Variants in DISP2 observed in about 807,000 individuals in gnomAD.
DISP2 encodes dispatched RND transporter family member 2.
A neutral mutation model predicts 95.5 loss-of-function variants in DISP2; 59 were observed. That is an observed-to-expected ratio of 0.62 (90% CI 0.50 to 0.77). The LOEUF is 0.77. Among genes scored for constraint, DISP2 ranks in the 30% least tolerant of loss-of-function variants. The pLI, the probability that DISP2 is intolerant of heterozygous loss-of-function variation, is 0.00. For synonymous variants in DISP2, 827 were observed against 815.0 expected, an observed-to-expected ratio of 1.01 and a Z score of -0.25; for missense variants, 1,752 against 1,854.6, an observed-to-expected ratio of 0.94 and a Z score of 1.02.
At chr15:40,363,564 G>A in intron 1 of DISP2, 61 bp from the exon 2 acceptor site, 1 of 1,227,188 alleles carries the variant, frequency 8.1e-7, no homozygotes, top group South Asian at 1.5e-5. Context: ...AATAATGCTG[G>A]GGCATGGGGT....
At position 40,370,448 on chromosome 15, in the gene DISP2, T is replaced by G; in HGVS notation, c.*130T>G. The G allele has an allele frequency of 7.3e-7, 1 of 1,375,828 alleles. No homozygotes were observed. Among genetic ancestry groups the G allele is most frequent in the Non-Finnish European group, 9.7e-7 (1 of 1,028,576 alleles). The allele number at this position is 1,375,828 out of a possible 1,614,324, so 85.2% of individuals were successfully genotyped here. A position where few individuals can be genotyped will look rare whatever the true frequency, so the allele number is the denominator to read the frequency against. On this transcript the variant is annotated 3_prime_UTR_variant, in exon 8 of 8. Transcript: ENST00000267889. Reference sequence around the variant, plus strand: ...AGAGGTCTCACCCTCCAGCTGTGGATGTTAAACCCTGCCAGATGTCCCAGC... The same window carrying G: ...AGAGGTCTCACCCTCCAGCTGTGGAGGTTAAACCCTGCCAGATGTCCCAGC...
Position 40,368,376 on chromosome 15 carries a change from A to G in DISP2, c.2264A>G (p.Gln755Arg), listed in dbSNP as rs1386868206. 3 of 1,607,194 alleles carry G rather than the reference A, an allele frequency of 1.9e-6. No individual in the cohort carries two copies. Among genetic ancestry groups the G allele is most frequent in the East Asian group, 4.5e-5 (2 of 44,848 alleles). ...PFERFDAEYR[Q>R]LFLFEQLPQG... ...GAGCGCTTCGACGCGGAGTATCGCCAGCTGTTCCTGTTCGAGCAGCTGCCG... is the reference window on the plus strand; with the variant it reads ...GAGCGCTTCGACGCGGAGTATCGCCGGCTGTTCCTGTTCGAGCAGCTGCCG... The change falls in exon 8 of 8, where the codon CAG becomes CGG. Residue 755 changes from glutamine (Q) to arginine (R), a missense_variant. Around this residue, in one of 5 missense-constraint regions of DISP2, gnomAD observed 732 missense variants for 714.6 expected, o/e 1.02. Transcript: ENST00000267889.
intron 6 of DISP2, 139 bp downstream of exon 6, chr15:40,365,413 T>C (rs1889481605): frequency 6.9e-7 from 1 of 1,450,166 alleles, no homozygotes; most frequent in African/African-American, 1.4e-5. Context: ...GGAAGCCGGG[T>C]TACAGCTGGG....
chr15:40,362,009 A>G (rs1171425436), intron 1 of DISP2, among the ~76,000 whole-genome samples: 2 of 152,214 alleles, frequency 1.3e-5, no homozygotes, highest in African/African-American at 4.8e-5. Context: ...TGGGTCTGCA[A>G]TCCTGCCACT....
In DISP2 at chr15:40,367,717, C is replaced by A; in HGVS notation, c.1605C>A (p.Phe535Leu). 6.2e-7 allele frequency: 1 copy of A among 1,613,590 alleles called. No homozygotes were observed. The highest frequency in any genetic ancestry group is 8.5e-7 in the Non-Finnish European group (1 of 1,180,040). ...LVAFFLYQVAFRMAYFPFVNL... is the reference protein window; with the variant it reads ...LVAFFLYQVALRMAYFPFVNL... Reference sequence around the variant, plus strand: ...CCTTCTTCCTTTACCAGGTGGCCTTCCGCATGGCCTACTTCCCCTTCGTCA... The same window carrying A: ...CCTTCTTCCTTTACCAGGTGGCCTTACGCATGGCCTACTTCCCCTTCGTCA... Residue 535 changes from phenylalanine to leucine, a missense_variant, in exon 8 of 8, where the codon TTC becomes TTA. This residue lies in a region of DISP2 where 732 missense variants were observed against 714.6 expected (regional missense o/e 1.02). Coordinates refer to ENST00000267889, the MANE Select transcript of DISP2 (RefSeq NM_033510.3).
At chr15:40,358,560 T>G in intron 1 of DISP2, 120 bp downstream of exon 1, 1 of 761,894 alleles carries the variant, frequency 1.3e-6, no homozygotes. Context: ...CCGGAGCCCC[T>G]TCCCGGGGTC....
In DISP2 at chr15:40,373,738, G is replaced by A. The variant is rs150088838; in HGVS notation, c.*3420G>A. 1,749 of 151,150 alleles carry A rather than the reference G, an allele frequency of 0.012. 16 individuals carry two copies. Among genetic ancestry groups the A allele is most frequent in the Non-Finnish European group, 0.019 (1,261 of 67,878 alleles). 9.4% of individuals were successfully genotyped at this position (151,150 alleles called of 1,614,324 possible). On this transcript the variant is annotated 3_prime_UTR_variant, in exon 8 of 8. Transcript: ENST00000267889. Reference sequence around the variant, plus strand: ...ATAAATAAATAAGTCGGGCACGGTGGCTCACGCCTGTAATCCCAGCACTTT... The same window carrying A: ...ATAAATAAATAAGTCGGGCACGGTGACTCACGCCTGTAATCCCAGCACTTT...
rs914369064 is a variant in DISP2 at position 40,372,159 on chromosome 15, G to C, written c.*1841G>C. On this transcript the variant is annotated 3_prime_UTR_variant, in exon 8 of 8. Coordinates refer to ENST00000267889, the MANE Select transcript of DISP2 (RefSeq NM_033510.3). Reference sequence around the variant, plus strand: ...CTACTCTGGTGGGCGCTGGGTGTTGGGGGTGGAGTCAGCTTAGCCTGTCTT... The same window carrying C: ...CTACTCTGGTGGGCGCTGGGTGTTGCGGGTGGAGTCAGCTTAGCCTGTCTT... 2 of 152,266 alleles carry C rather than the reference G, an allele frequency of 1.3e-5. No homozygotes were observed. Among genetic ancestry groups the C allele is most frequent in the East Asian group, 3.9e-4 (2 of 5,186 alleles). 9.4% of individuals were successfully genotyped at this position (152,266 alleles called of 1,614,324 possible). A position where few individuals can be genotyped will look rare whatever the true frequency, so the allele number is the denominator to read the frequency against.
At position 40,375,468 on chromosome 15, in the gene DISP2, G is replaced by A. The variant is rs940062199; in HGVS notation, c.*5150G>A. ...TTCTAGCTACTAGTTTTGATTATTT[G>A]TATTGACTCTTTTATATTTTCTCCA... On this transcript the variant is annotated 3_prime_UTR_variant, in exon 8 of 8. Coordinates refer to ENST00000267889, the MANE Select transcript of DISP2 (RefSeq NM_033510.3). 34 of 149,602 alleles carry A rather than the reference G, an allele frequency of 2.3e-4. No homozygotes were observed. The highest frequency in any genetic ancestry group is 7.9e-4 in the African/African-American group (32 of 40,330). 9.3% of individuals were successfully genotyped at this position (149,602 alleles called of 1,614,324 possible).
At position 40,361,003 on chromosome 15, in the gene DISP2, A is replaced by C. The variant is rs182866379; in HGVS notation, c.119+2563A>C. Reference sequence around the variant, plus strand: ...GGTCTATGTCCACACTTACACACACAACCTAGGCCATTTATCCACCTTCTC... The same window carrying C: ...GGTCTATGTCCACACTTACACACACCACCTAGGCCATTTATCCACCTTCTC... On this transcript the variant is annotated intron_variant, in intron 1 of 7. Coordinates refer to ENST00000267889, the MANE Select transcript of DISP2 (RefSeq NM_033510.3). 2.7e-3 allele frequency among the ~76,000 whole-genome samples: 404 copies of C among 152,320 alleles called. 1 individual carries two copies. Among genetic ancestry groups the C allele is most frequent in the Middle Eastern group, 6.8e-3 (2 of 294 alleles).
rs1233099635 is a variant in DISP2 at position 40,367,861 on chromosome 15, C to T, written c.1749C>T (p.Gly583=). The change falls in exon 8 of 8, where the codon GGC becomes GGT. Residue 583 remains glycine, a synonymous_variant. Coordinates refer to ENST00000267889, the MANE Select transcript of DISP2 (RefSeq NM_033510.3). The stretch of plus-strand genomic sequence containing the variant: ...CGGGGGGGCTGGCGCAGCGCGTGGG[C>T]CGCACCATGCACCACTTCGGCTACC... ...LPSGGLAQRV[G]RTMHHFGYLL... is the part of the protein sequence containing the mutation. The T allele has an allele frequency of 1.2e-6, 2 of 1,600,024 alleles. No individual in the cohort carries two copies. The highest frequency in any genetic ancestry group is 1.7e-6 in the Non-Finnish European group (2 of 1,179,780).
rs377416042 is a variant in DISP2, at chr15:40,367,379, C to T, written c.1267C>T (p.Pro423Ser). 5.6e-6 allele frequency: 9 copies of T among 1,613,330 alleles called. No individual in the cohort carries two copies. The highest frequency in any genetic ancestry group is 7.6e-6 in the Non-Finnish European group (9 of 1,179,914). The change falls in exon 8 of 8, where the codon CCC becomes TCC. Residue 423 changes from proline (P) to serine (S), a missense_variant. Transcript: ENST00000267889. The stretch of plus-strand genomic sequence containing the variant: ...TCTGCTTGACAGGGACTTTCTGAGT[C>T]CCCAGACCACTGACTACCAGGTGCC... ...HFLLDRDFLS[P>S]QTTDYQVPSL... is the part of the protein sequence containing the mutation.
chr15:40,374,909 C>G lies in DISP2; in HGVS notation c.*4591C>G, dbSNP rs1039502790. The G allele has an allele frequency of 6.6e-6, 1 of 152,092 alleles. No homozygotes were observed. The highest frequency in any genetic ancestry group is 2.4e-5 in the African/African-American group (1 of 41,414). 9.4% of individuals were successfully genotyped at this position (152,092 alleles called of 1,614,324 possible). ...CAGGTGTGAGCCACTACACCCGGCC[C>G]TGATCTTTTCTTTGACGGTGGCAGT... On this transcript the variant is annotated 3_prime_UTR_variant, in exon 8 of 8. Transcript: ENST00000267889.
chr15:40,367,642 C>T lies in DISP2; in HGVS notation c.1530C>T (p.Leu510=). 1 of 1,614,076 alleles carries T rather than the reference C, an allele frequency of 6.2e-7. No homozygotes were observed. The highest frequency in any genetic ancestry group is 8.5e-7 in the Non-Finnish European group (1 of 1,180,034). Residue 510 remains leucine, a synonymous_variant, in exon 8 of 8, where the codon CTC becomes CTT. Coordinates refer to ENST00000267889, the MANE Select transcript of DISP2 (RefSeq NM_033510.3). ...FFGMALYLRS[L]FLTLMVLLGV... is the part of the protein sequence containing the mutation. ...GCATGGCCCTGTACCTGCGCTCACT[C>T]TTCCTCACGCTCATGGTGCTGCTGG...
In DISP2 at chr15:40,367,336, C is replaced by G. The variant is rs998576447; in HGVS notation, c.1224C>G (p.Ile408Met). 8 of 1,613,652 alleles carry G rather than the reference C, an allele frequency of 5.0e-6. No homozygotes were observed. The highest frequency in any genetic ancestry group is 5.9e-6 in the Non-Finnish European group (7 of 1,179,952). The change falls in exon 8 of 8, where the codon ATC becomes ATG. Residue 408 changes from isoleucine to methionine, a missense_variant. Physicochemically the swap from Ile to Met is conservative, Grantham distance 10 (BLOSUM62 1). Transcript: ENST00000267889. ...VPTKCSQSSAIYQLLHFLLDR... is the reference protein window; with the variant it reads ...VPTKCSQSSAMYQLLHFLLDR... ...CCAAGTGCTCCCAGAGTAGTGCCATCTACCAACTCCTGCACTTTCTGCTTG... is the reference window on the plus strand; with the variant it reads ...CCAAGTGCTCCCAGAGTAGTGCCATGTACCAACTCCTGCACTTTCTGCTTG...
rs1595732630 is a variant in DISP2, at chr15:40,374,241, G to C, written c.*3923G>C. The C allele has an allele frequency of 7.7e-6, 1 of 130,690 alleles. No individual in the cohort carries two copies. Among genetic ancestry groups the C allele is most frequent in the African/African-American group, 2.9e-5 (1 of 35,012 alleles). The allele number at this position is 130,690 out of a possible 1,614,324, so 8.1% of individuals were successfully genotyped here. A position where few individuals can be genotyped will look rare whatever the true frequency, so the allele number is the denominator to read the frequency against. ...TTTTTTTTTTTTGAGACAGAGTCTT[G>C]CTCTGTCGCCCAGGCTGGAGTGCAG... On this transcript the variant is annotated 3_prime_UTR_variant, in exon 8 of 8. Transcript: ENST00000267889.
chr15:40,362,910 G>A (rs1328619141), intron 1 of DISP2, among the ~76,000 whole-genome samples: 1 of 152,206 alleles, frequency 6.6e-6, no homozygotes, highest in Non-Finnish European at 1.5e-5. Context: ...ACTGCAAGTC[G>A]GAAGAACTGG....
In DISP2 at chr15:40,376,530, C is replaced by T. The variant is rs1425596045; in HGVS notation, c.*6212C>T. ...AGCTACTCAGGAGGCTGAGGAAGGA[C>T]AATCGCTTGAACCCTGGAGGCAGAG... On this transcript the variant is annotated 3_prime_UTR_variant, in exon 8 of 8. Coordinates refer to ENST00000267889, the MANE Select transcript of DISP2 (RefSeq NM_033510.3). 6.6e-6 allele frequency: 1 copy of T among 152,164 alleles called. No individual in the cohort carries two copies. The highest frequency in any genetic ancestry group is 1.5e-5 in the Non-Finnish European group (1 of 68,060). 9.4% of individuals were successfully genotyped at this position (152,164 alleles called of 1,614,324 possible). A position where few individuals can be genotyped will look rare whatever the true frequency, so the allele number is the denominator to read the frequency against.
In DISP2 at chr15:40,370,353, C is replaced by A. The variant is rs141232930; in HGVS notation, c.*35C>A. ...GGGGAGGCTGGACAGGGCGCGGAAC[C>A]CTGTCATGGATGACAAGGCAAGGGC... On this transcript the variant is annotated 3_prime_UTR_variant, in exon 8 of 8. Coordinates refer to ENST00000267889, the MANE Select transcript of DISP2 (RefSeq NM_033510.3). The A allele has an allele frequency of 1.9e-3, 2,870 of 1,510,226 alleles. 46 individuals carry two copies. The African/African-American group carries it at 0.036, about 19-fold the overall frequency. 93.6% of individuals were successfully genotyped at this position (1,510,226 alleles called of 1,614,324 possible). A position where few individuals can be genotyped will look rare whatever the true frequency, so the allele number is the denominator to read the frequency against.
Sources: gnomAD v4.1 joint callset for allele counts (sites outside exome capture counted in the v4.1 genomes callset) on GRCh38, gnomAD v4.1.1 for gene constraint, gnomAD v4.1.1 regional missense constraint, MANE v1.5 for transcripts, NCBI Gene and HGNC (gene_info 2026-07-23, HGNC 2026-07-21) for gene names.